The following ECHDC1 variants were observed in gnomAD, a reference collection of about 807,000 sequenced individuals.
ECHDC1 encodes the protein ethylmalonyl-CoA decarboxylase 1, also known as ethylmalonyl-CoA decarboxylase.
In ECHDC1, 29 loss-of-function variants were observed where a neutral mutation model predicts 29.7. That is an observed-to-expected ratio of 0.98 (90% CI 0.73 to 1.33). The LOEUF is 1.33. Among genes scored for constraint, ECHDC1 ranks in the 40% most tolerant of loss-of-function variants. ECHDC1 has a pLI of 0.00. For missense variants in ECHDC1, 328 were observed against 350.0 expected (o/e 0.94, Z 0.50); for synonymous variants, 126 against 123.1 (o/e 1.02, Z -0.15).
chr6:127,325,046 A>G (rs925309621), intron 3 of ECHDC1, among the ~76,000 whole-genome samples: 3 of 152,168 alleles, frequency 2.0e-5, no homozygotes, highest in Non-Finnish European at 4.4e-5. Flanking sequence ...AACCAGGCAA[A>G]CACTATCTTC....
intron 5 of ECHDC1, among the ~76,000 whole-genome samples, chr6:127,296,814 G>C (rs1485371507): frequency 1.3e-5 from 2 of 152,012 alleles, no homozygotes; most frequent in Non-Finnish European, 2.9e-5. Context: ...AGACCAGCCT[G>C]GGCAACATGA....
At chr6:127,294,059 A>G (rs1406831418) in intron 5 of ECHDC1, among the ~76,000 whole-genome samples, 3 of 152,210 alleles carry the variant, frequency 2.0e-5, no homozygotes, top group East Asian at 3.9e-4. Flanking sequence ...CTTTTTTAAA[A>G]AACAGGTAAG....
intron 1 of ECHDC1, among the ~76,000 whole-genome samples, chr6:127,336,424 T>A (rs9388563): frequency 6.6e-6 from 1 of 152,318 alleles, no homozygotes; most frequent in East Asian, 1.9e-4. Flanking sequence ...CTTTCCCTTA[T>A]ATAGCTCCAT....
chr6:127,315,994 A>C (rs769923134), intron 4 of ECHDC1: 1 of 470,804 alleles, frequency 2.1e-6, no homozygotes, highest in South Asian at 1.5e-5. Context: ...AAGTCAATTC[A>C]TATTCCTCAG....
rs1397186378 is a variant in ECHDC1 at position 127,289,744 on chromosome 6, AAAGT to A, written c.*121_*124del. On this transcript the variant is annotated 3_prime_UTR_variant, in exon 6 of 6. Coordinates refer to ENST00000454859, the MANE Select transcript of ECHDC1 (RefSeq NM_001002030.2). ...ATGAGTTCAGATATTCAAATGATTA[AAAGT>A]AAGTCTGCATATTAATAGTAGCCTT... The A allele has an allele frequency of 3.6e-5, 36 of 991,564 alleles. No individual in the cohort carries two copies. In the Admixed American group the frequency reaches 5.0e-4, roughly 14 times the overall value. 61.4% of individuals were successfully genotyped at this position (991,564 alleles called of 1,614,324 possible). A position where few individuals can be genotyped will look rare whatever the true frequency, so the allele number is the denominator to read the frequency against.
intron 1 of ECHDC1, among the ~76,000 whole-genome samples, chr6:127,334,619 G>A (rs572395818): frequency 1.6e-4 from 25 of 151,984 alleles, no homozygotes; most frequent in South Asian, 1.0e-3. Flanking sequence ...ATCTCTTCTC[G>A]TCTGATATCT....
At chr6:127,342,707 G>A (rs1324465491) in intron 1 of ECHDC1, 1 of 263,968 alleles carries the variant, frequency 3.8e-6, no homozygotes, top group Non-Finnish European at 7.1e-6. Context: ...TTGATTTAAT[G>A]TTGCCTGAAG....
intron 5 of ECHDC1, among the ~76,000 whole-genome samples, chr6:127,307,194 A>G (rs1163160704): frequency 1.3e-5 from 2 of 152,210 alleles, no homozygotes; most frequent in African/African-American, 4.8e-5. Flanking sequence ...GTTTATAGCT[A>G]TAAGTGCCTA....
chr6:127,300,833 C>CTA (rs1361363500), intron 5 of ECHDC1, among the ~76,000 whole-genome samples: 1 of 152,180 alleles, frequency 6.6e-6, no homozygotes, highest in East Asian at 1.9e-4. Flanking sequence ...GACTTCAGAC[C>CTA]TATACATCTG....
chr6:127,291,296 A>G (rs1433536408), intron 5 of ECHDC1, among the ~76,000 whole-genome samples: 2 of 60,264 alleles, frequency 3.3e-5, no homozygotes, highest in Admixed American at 2.7e-4. Context: ...TTTTTTTTTT[A>G]AGGAACTGGC....
intron 5 of ECHDC1, among the ~76,000 whole-genome samples, chr6:127,306,291 G>C (rs1029933395): frequency 6.6e-6 from 1 of 152,100 alleles, no homozygotes; most frequent in African/African-American, 2.4e-5. Context: ...GGAGCACCCA[G>C]ATATATACAG....
At chr6:127,334,052 A>T (rs1424968716) in intron 1 of ECHDC1, among the ~76,000 whole-genome samples, 1 of 152,038 alleles carries the variant, frequency 6.6e-6, no homozygotes. Flanking sequence ...TTTGTTAGAG[A>T]TCTTTTATTC....
chr6:127,309,667 C>T (rs1781738194), intron 5 of ECHDC1, among the ~76,000 whole-genome samples: 1 of 152,108 alleles, frequency 6.6e-6, no homozygotes, highest in African/African-American at 2.4e-5. Flanking sequence ...AGCCCTTTCT[C>T]ACACTGCTAT....
At chr6:127,328,706 G>A (rs1382240531) in intron 2 of ECHDC1, among the ~76,000 whole-genome samples, 1 of 152,124 alleles carries the variant, frequency 6.6e-6, no homozygotes. Context: ...GTTAATATGG[G>A]CCTTTAATCA....
At chr6:127,298,472 T>C (rs549383957) in intron 5 of ECHDC1, among the ~76,000 whole-genome samples, 1 of 152,170 alleles carries the variant, frequency 6.6e-6, no homozygotes, top group Admixed American at 6.5e-5. Flanking sequence ...GAATGAGTGT[T>C]TTAAGTACTT....
At chr6:127,314,017 T>C (rs1435800153) in intron 5 of ECHDC1, among the ~76,000 whole-genome samples, 1 of 152,196 alleles carries the variant, frequency 6.6e-6, no homozygotes, top group Non-Finnish European at 1.5e-5. Flanking sequence ...GGATTCAGCC[T>C]AGGTCTACTA....
chr6:127,323,347 A>G (rs965467027), intron 3 of ECHDC1, among the ~76,000 whole-genome samples: 2 of 152,166 alleles, frequency 1.3e-5, no homozygotes, highest in African/African-American at 4.8e-5. Context: ...TCAAATTTCC[A>G]GCTTAGTGCT....
chr6:127,302,635 G>C (rs1457235007), intron 5 of ECHDC1, among the ~76,000 whole-genome samples: 2 of 152,016 alleles, frequency 1.3e-5, no homozygotes, highest in Non-Finnish European at 2.9e-5. Flanking sequence ...CCTGACCTCA[G>C]GTGATCCACC....
intron 5 of ECHDC1, among the ~76,000 whole-genome samples, chr6:127,311,603 G>A (rs902256138): frequency 1.4e-5 from 2 of 147,806 alleles, no homozygotes; most frequent in Admixed American, 1.4e-4. Context: ...GAACCTGGGA[G>A]GTGGAGGTTG....
Sources: gnomAD v4.1 joint callset for allele counts (sites outside exome capture counted in the v4.1 genomes callset) on GRCh38, gnomAD v4.1.1 for gene constraint, MANE v1.5 for transcripts, NCBI Gene and HGNC (gene_info 2026-07-23, HGNC 2026-07-21) for gene names.